Variants in SPOPL observed in about 807,000 individuals in gnomAD.
SPOPL encodes the protein speckle-type POZ protein-like.
A neutral mutation model predicts 53.8 loss-of-function variants in SPOPL; 23 were observed. The observed-to-expected ratio is 0.43, with a 90% CI of 0.31 to 0.61. SPOPL has a LOEUF of 0.61. Among genes scored for constraint, SPOPL ranks in the 20% least tolerant of loss-of-function variants. The probability of loss-of-function intolerance (pLI) is 0.12; values close to 1 mark genes in which losing one functional copy is unlikely to be tolerated. For synonymous variants in SPOPL, 164 were observed against 149.7 expected (o/e 1.10, Z -0.70); for missense variants, 442 against 466.9 (o/e 0.95, Z 0.49).
chr2:138,531,514 G>C (rs1684808955), intron 1 of SPOPL, among the ~76,000 whole-genome samples: 1 of 151,996 alleles, frequency 6.6e-6, no homozygotes, highest in South Asian at 2.1e-4. Flanking sequence ...TTCAAATATT[G>C]CTTCTCTCTT....
intron 1 of SPOPL, among the ~76,000 whole-genome samples, chr2:138,526,044 T>C (rs563988881): frequency 6.6e-6 from 1 of 152,302 alleles, no homozygotes; most frequent in East Asian, 1.9e-4. Context: ...GTTCCTTTCC[T>C]TACTCCTTCA....
At chr2:138,550,315 C>T in intron 2 of SPOPL, 21 bp downstream of exon 2, 2 of 1,612,940 alleles carry the variant, frequency 1.2e-6, no homozygotes, top group Non-Finnish European at 1.7e-6. Flanking sequence ...TTAAAAATCC[C>T]TCACTTTATG....
At chr2:138,517,386 T>C (rs1230932047) in intron 1 of SPOPL, among the ~76,000 whole-genome samples, 1 of 152,172 alleles carries the variant, frequency 6.6e-6, no homozygotes, top group Non-Finnish European at 1.5e-5. Context: ...CTTTTGAGGA[T>C]TGAATCGTAG....
chr2:138,514,058 C>G (rs190940888), intron 1 of SPOPL, among the ~76,000 whole-genome samples: 1 of 152,186 alleles, frequency 6.6e-6, no homozygotes, highest in African/African-American at 2.4e-5. Flanking sequence ...GGCTTCTTAC[C>G]TTAAACATAC....
At position 138,551,723 on chromosome 2, in the gene SPOPL, A is replaced by G. The variant is rs140509932; in HGVS notation, c.352+669A>G. Among the ~76,000 whole-genome samples, 687 of 152,174 alleles carry G rather than the reference A, an allele frequency of 4.5e-3. 8 individuals carry two copies. The highest frequency in any genetic ancestry group is 0.015 in the African/African-American group (631 of 41,560). ...ACATTTTTAAATAATGTATTGCTAA[A>G]ATAATATATATTTTCACATTGTCTC... On this transcript the variant is annotated intron_variant, in intron 4 of 10. Coordinates refer to ENST00000280098, the MANE Select transcript of SPOPL (RefSeq NM_001001664.3).
chr2:138,562,879 G>A (rs1353919138), intron 8 of SPOPL, among the ~76,000 whole-genome samples: 2 of 151,416 alleles, frequency 1.3e-5, no homozygotes, highest in Non-Finnish European at 2.9e-5. Context: ...TGTGATGTTA[G>A]GTTAGGCAGA....
intron 1 of SPOPL, among the ~76,000 whole-genome samples, chr2:138,538,541 CT>C (rs1243873940): frequency 6.6e-6 from 1 of 152,016 alleles, no homozygotes; most frequent in Admixed American, 6.5e-5. Flanking sequence ...CATGAAATAC[CT>C]TTTTTCATCC....
At chr2:138,517,617 G>C (rs1331191913) in intron 1 of SPOPL, among the ~76,000 whole-genome samples, 3 of 151,920 alleles carry the variant, frequency 2.0e-5, no homozygotes, top group Non-Finnish European at 2.9e-5. Context: ...GCGGGTGCCT[G>C]TAGTCCCAGG....
intron 8 of SPOPL, among the ~76,000 whole-genome samples, chr2:138,562,276 A>C (rs923005966): frequency 6.6e-6 from 1 of 152,074 alleles, no homozygotes. Flanking sequence ...ATGACTTACT[A>C]TAAAGCTTTA....
chr2:138,544,233 T>C (rs1399795436), intron 1 of SPOPL, among the ~76,000 whole-genome samples: 1 of 152,216 alleles, frequency 6.6e-6, no homozygotes, highest in African/African-American at 2.4e-5. Context: ...AGCTGCGTGC[T>C]GGGAGAACCA....
rs543006722 is a variant in SPOPL at position 138,520,194 on chromosome 2, T to A, written c.-61+18075T>A. 4.6e-5 allele frequency among the ~76,000 whole-genome samples: 7 copies of A among 152,372 alleles called. No homozygotes were observed. In the East Asian group the frequency reaches 1.3e-3, roughly 29 times the overall value. On this transcript the variant is annotated intron_variant, in intron 1 of 10. Transcript: ENST00000280098. ...TATACTTTTCTATTCCATAATGTTT[T>A]ATAAAAGACTAATTATGCATAGGTA...
chr2:138,546,517 T>A (rs1685198877), intron 1 of SPOPL, among the ~76,000 whole-genome samples: 1 of 152,170 alleles, frequency 6.6e-6, no homozygotes, highest in South Asian at 2.1e-4. Flanking sequence ...CTTTGGGAGA[T>A]CTTTGTCTTT....
rs1685747734 is a variant in SPOPL, at chr2:138,570,017, A to C, written c.*937A>C. ...ATAATTAATTGTGTCTTAACTTTTC[A>C]AAGAAATTTTTAGATGGAGGCAACT... On this transcript the variant is annotated 3_prime_UTR_variant, in exon 11 of 11. Coordinates refer to ENST00000280098, the MANE Select transcript of SPOPL (RefSeq NM_001001664.3). 6.6e-6 allele frequency: 1 copy of C among 152,576 alleles called. No homozygotes were observed. Among genetic ancestry groups the C allele is most frequent in the Non-Finnish European group, 1.5e-5 (1 of 68,006 alleles). The allele number at this position is 152,576 out of a possible 1,614,324, so 9.5% of individuals were successfully genotyped here.
At chr2:138,530,642 A>G (rs1400118201) in intron 1 of SPOPL, among the ~76,000 whole-genome samples, 1 of 152,196 alleles carries the variant, frequency 6.6e-6, no homozygotes, top group Non-Finnish European at 1.5e-5. Context: ...TTTGCTTTCC[A>G]ATTGTTGCTA....
intron 1 of SPOPL, among the ~76,000 whole-genome samples, chr2:138,503,731 A>T (rs1007835575): frequency 2.6e-5 from 4 of 152,234 alleles, no homozygotes; most frequent in Admixed American, 6.5e-5. Flanking sequence ...AAGTGAAAGT[A>T]CTGTGTATAA....
chr2:138,565,053 C>T (rs1685632133), intron 10 of SPOPL, 60 bp downstream of exon 10: 2 of 1,583,052 alleles, frequency 1.3e-6, no homozygotes, highest in South Asian at 1.1e-5. Flanking sequence ...TAAGTGTTTG[C>T]ATAGCCTTTT....
At chr2:138,504,300 T>C (rs1684168064) in intron 1 of SPOPL, among the ~76,000 whole-genome samples, 1 of 152,228 alleles carries the variant, frequency 6.6e-6, no homozygotes, top group Non-Finnish European at 1.5e-5. Flanking sequence ...TTGCTCTTTC[T>C]CCTGTATATC....
chr2:138,541,621 T>A (rs1017881033), intron 1 of SPOPL, among the ~76,000 whole-genome samples: 11 of 152,198 alleles, frequency 7.2e-5, no homozygotes, highest in African/African-American at 2.7e-4. Flanking sequence ...TCTATTTGAT[T>A]CTTCTCTCTT....
In SPOPL at chr2:138,564,731, C is replaced by G. The variant is rs1182723112; in HGVS notation, c.861C>G (p.Val287=). The change falls in exon 9 of 11, where the codon GTC becomes GTG. Residue 287 remains valine, a synonymous_variant. Transcript: ENST00000280098. Reference sequence around the variant, plus strand: ...AGTATGCACTGGAACGGCTGAAGGTCATGTGCGAAGAAGCTTTGTGTAGTA... The same window carrying G: ...AGTATGCACTGGAACGGCTGAAGGTGATGTGCGAAGAAGCTTTGTGTAGTA... ...ADKYALERLK[V]MCEEALCSNL... is the part of the protein sequence containing the mutation. 3.7e-6 allele frequency: 6 copies of G among 1,614,144 alleles called. No individual in the cohort carries two copies. The South Asian group carries it at 6.6e-5, about 18-fold the overall frequency.
Sources: gnomAD v4.1 joint callset for allele counts (sites outside exome capture counted in the v4.1 genomes callset) on GRCh38, gnomAD v4.1.1 for gene constraint, MANE v1.5 for transcripts, NCBI Gene and HGNC (gene_info 2026-07-23, HGNC 2026-07-21) for gene names.